The following CCDC188 variants were observed in gnomAD, a reference collection of about 807,000 sequenced individuals.
CCDC188 encodes the protein coiled-coil domain-containing protein 188.
CCDC188 carries 37 observed loss-of-function variants against 50.7 expected under a neutral mutation model. The ratio of observed to expected loss-of-function variants is 0.73; its 90% CI spans 0.56 to 0.96. CCDC188 has a LOEUF of 0.96. CCDC188 is among the 40% of genes least tolerant of loss of function. The pLI is 0.00. For missense variants in CCDC188, 453 were observed against 512.9 expected, an observed-to-expected ratio of 0.88 and a Z score of 1.13; for synonymous variants, 208 against 228.0, an observed-to-expected ratio of 0.91 and a Z score of 0.79.
rs1202416672 is a variant in CCDC188, at chr22:20,150,586, A to C, written c.401T>G (p.Leu134Arg). 6.5e-7 allele frequency: 1 copy of C among 1,546,004 alleles called. No individual in the cohort carries two copies. The highest frequency in any genetic ancestry group is 2.0e-5 in the Admixed American group (1 of 50,770). ...SGTRPCPCPP[L>R]SREGGALASP... ...GGCCAGGGCCCCTCCCTCCCGTGAC[A>C]GGGGTGGGCATGGGCAGGGTCTGGT... The change falls in exon 1 of 9, where the codon CTG becomes CGG. Residue 134 changes from leucine to arginine, a missense_variant. Leu to Arg is a moderately radical substitution (Grantham distance 102). Coordinates refer to ENST00000439765, the MANE Select transcript of CCDC188 (RefSeq NM_001365892.2).
chr22:20,148,650 G>A lies in CCDC188; in HGVS notation c.1173C>T (p.Phe391=), dbSNP rs1218937764. 13 of 1,547,738 alleles carry A rather than the reference G, an allele frequency of 8.4e-6. No individual in the cohort carries two copies. The highest frequency in any genetic ancestry group is 1.1e-5 in the Non-Finnish European group (13 of 1,145,972). Residue 391 remains phenylalanine (F), a synonymous_variant, in exon 9 of 9, where the codon TTC becomes TTT. Transcript: ENST00000439765. ...GGAAGCCGTCCACTTTGAGGCGCAGGAAGGGGTCCAGCAGGGCCCGGAGCT... is the reference window on the plus strand; with the variant it reads ...GGAAGCCGTCCACTTTGAGGCGCAGAAAGGGGTCCAGCAGGGCCCGGAGCT... ...VWKLRALLDP[F]LRLKVDGFLP...
At chr22:20,149,539 G>C in intron 5 of CCDC188, 42 bp downstream of exon 5, 2 of 1,550,006 alleles carry the variant, frequency 1.3e-6, no homozygotes, top group Non-Finnish European at 1.7e-6. Flanking sequence ...CCTCTCGCCC[G>C]CCGGGCCCCG....
At chr22:20,150,353 G>A in intron 1 of CCDC188, 103 bp from the exon 2 acceptor site, 2 of 991,340 alleles carry the variant, frequency 2.0e-6, no homozygotes, top group Non-Finnish European at 2.9e-6. Flanking sequence ...GGCTGGGGCT[G>A]GGGCAGGGGC....
In CCDC188 at chr22:20,150,787, C is replaced by T; in HGVS notation, c.200G>A (p.Gly67Glu). ...PFPVPGAGGS[G>E]PTVEGEAPGL... ...GGGAGCCTCGCCCTCCACTGTGGGC[C>T]CACTGCCCCCTGCCCCTGGGACTGG... The change falls in exon 1 of 9, where the codon GGG becomes GAG. Residue 67 changes from glycine (G) to glutamate (E), a missense_variant. Gly to Glu is a moderately conservative substitution (Grantham distance 98). Coordinates refer to ENST00000439765, the MANE Select transcript of CCDC188 (RefSeq NM_001365892.2). 6.5e-7 allele frequency: 1 copy of T among 1,549,862 alleles called. No individual in the cohort carries two copies. The highest frequency in any genetic ancestry group is 8.7e-7 in the Non-Finnish European group (1 of 1,146,670).
At chr22:20,149,924 T>TC (rs200146458) in intron 3 of CCDC188, 31 bp downstream of exon 3, 156 of 1,510,950 alleles carry the variant, frequency 1.0e-4, no homozygotes, top group East Asian at 4.0e-4. Context: ...CGAAGCTTCC[T>TC]CCCCCCCCAC....
intron 2 of CCDC188, 40 bp from the exon 3 acceptor site, chr22:20,150,099 T>C: frequency 1.3e-6 from 2 of 1,540,734 alleles, no homozygotes; most frequent in South Asian, 1.2e-5. Flanking sequence ...GACTGCGGGC[T>C]AGAGGGGCGT....
chr22:20,149,025 C>A, intron 7 of CCDC188, 101 bp from the exon 8 acceptor site: 2 of 1,331,380 alleles, frequency 1.5e-6, no homozygotes, highest in Non-Finnish European at 2.0e-6. Flanking sequence ...CTCCCCGCAC[C>A]GCAGCCCTGG....
intron 7 of CCDC188, 25 bp downstream of exon 7, chr22:20,149,162 C>T: frequency 6.9e-7 from 1 of 1,454,144 alleles, no homozygotes; most frequent in Non-Finnish European, 9.1e-7. Flanking sequence ...GTCTCCAGAC[C>T]CAGAGTGGGG....
rs1233650263 is a variant in CCDC188 at position 20,149,362 on chromosome 22, A to T, written c.914+50T>A. 7.7e-6 allele frequency: 12 copies of T among 1,548,584 alleles called. No homozygotes were observed. The East Asian group carries it at 2.9e-4, about 38-fold the overall frequency. On this transcript the variant is annotated intron_variant, in intron 6 of 8. Transcript: ENST00000439765. ...ATGGGTCTGCCCTGTCCTGACCAGGACACCTTCTGAGACCCTGCTCAGCTG... is the reference window on the plus strand; with the variant it reads ...ATGGGTCTGCCCTGTCCTGACCAGGTCACCTTCTGAGACCCTGCTCAGCTG...
rs961038929 is a variant in CCDC188 at position 20,150,522 on chromosome 22, C to T, written c.465G>A (p.Leu155=). 5.2e-6 allele frequency: 8 copies of T among 1,549,120 alleles called. No individual in the cohort carries two copies. In the Admixed American group the frequency reaches 9.8e-5, roughly 19 times the overall value. The part of the protein sequence containing the change: ...RVALSQLQCG[L]LGSAEQSFLQ... ...GGAAGGACTGTTCTGCAGAGCCCAG[C>T]AGCCCGCACTGAAGCTGGGACAGGG... The change falls in exon 1 of 9, where the codon CTG becomes CTA. Residue 155 remains leucine, a synonymous_variant. Coordinates refer to ENST00000439765, the MANE Select transcript of CCDC188 (RefSeq NM_001365892.2).
Position 20,150,031 on chromosome 22 carries a change from A to C in CCDC188, c.656T>G (p.Leu219Trp). The change falls in exon 3 of 9, where the codon TTG becomes TGG. Residue 219 changes from leucine (L) to tryptophan (W), a missense_variant. Transcript: ENST00000439765. The stretch of plus-strand genomic sequence containing the variant: ...CAGCTGCAGAGGTGCCCTGTTCCCC[A>C]AGGGCTGCGTGCCAGCCGGGTCGGG... ...WPPDPAGTQP[L>W]GNRAPLQLLR... 6.5e-7 allele frequency: 1 copy of C among 1,548,042 alleles called. No individual in the cohort carries two copies. Among genetic ancestry groups the C allele is most frequent in the Non-Finnish European group, 8.7e-7 (1 of 1,146,518 alleles).
rs113521702 is a variant in CCDC188, at chr22:20,149,128, A to G, written c.972+59T>C. 463 of 1,367,196 alleles carry G rather than the reference A, an allele frequency of 3.4e-4. 5 individuals are homozygous for G. In the African/African-American group the frequency reaches 6.1e-3, roughly 18 times the overall value. 84.7% of individuals were successfully genotyped at this position (1,367,196 alleles called of 1,614,324 possible). A position where few individuals can be genotyped will look rare whatever the true frequency, so the allele number is the denominator to read the frequency against. On this transcript the variant is annotated intron_variant, in intron 7 of 8. Coordinates refer to ENST00000439765, the MANE Select transcript of CCDC188 (RefSeq NM_001365892.2). Reference sequence around the variant, plus strand: ...GGAGCCCATTTCTCCCTCTCGCCCAAGCAGGGCCCTGGGTGGGGGGCTGGT... The same window carrying G: ...GGAGCCCATTTCTCCCTCTCGCCCAGGCAGGGCCCTGGGTGGGGGGCTGGT...
At chr22:20,149,543 G>T (rs2050580366) in intron 5 of CCDC188, 38 bp downstream of exon 5, 4 of 1,549,956 alleles carry the variant, frequency 2.6e-6, no homozygotes, top group Non-Finnish European at 3.5e-6. Flanking sequence ...TCGCCCGCCG[G>T]GCCCCGTCCT....
chr22:20,148,630 C>G lies in CCDC188; in HGVS notation c.1193G>C (p.Gly398Ala). 6 of 1,545,486 alleles carry G rather than the reference C, an allele frequency of 3.9e-6. No individual in the cohort carries two copies. The highest frequency in any genetic ancestry group is 5.2e-6 in the Non-Finnish European group (6 of 1,145,180). Residue 398 changes from glycine (G) to alanine (A), a missense_variant, in exon 9 of 9, where the codon GGC (glycine) becomes GCC (alanine). Coordinates refer to ENST00000439765, the MANE Select transcript of CCDC188 (RefSeq NM_001365892.2). ...GCCTCTGGCCTAGAAGGGCAGGAAG[C>G]CGTCCACTTTGAGGCGCAGGAAGGG... ...LDPFLRLKVD[G>A]FLPF
rs1451321777 is a variant in CCDC188 at position 20,148,921 on chromosome 22, C to G, written c.976G>C (p.Gly326Arg). 6.6e-7 allele frequency: 1 copy of G among 1,511,082 alleles called. No individual in the cohort carries two copies. The highest frequency in any genetic ancestry group is 8.9e-7 in the Non-Finnish European group (1 of 1,127,104). The allele number at this position is 1,511,082 out of a possible 1,614,324, so 93.6% of individuals were successfully genotyped here. ...TTGGAGCTTCCCAGCTTTGGCCTCC[C>G]TTTCTGTCGGGGAGGGGCTGGATCA... ...KEKQMASMSK[G>R]RPKLGSSKGL... is the part of the protein sequence containing the mutation. Residue 326 changes from glycine (G) to arginine (R), a missense_variant, in exon 8 of 9, where the codon GGG becomes CGG. Gly to Arg is a moderately radical substitution (Grantham distance 125). Coordinates refer to ENST00000439765, the MANE Select transcript of CCDC188 (RefSeq NM_001365892.2).
At position 20,150,875 on chromosome 22, in the gene CCDC188, C is replaced by A; in HGVS notation, c.112G>T (p.Val38Leu). The A allele has an allele frequency of 6.7e-7, 1 of 1,497,914 alleles. No homozygotes were observed. 92.8% of individuals were successfully genotyped at this position (1,497,914 alleles called of 1,614,324 possible). ...ATGGGGCCCAGGCAGGGCCACCCTACAAATCCCTGGCAGGGCTGGTCCAGG... is the reference window on the plus strand; with the variant it reads ...ATGGGGCCCAGGCAGGGCCACCCTAAAAATCCCTGGCAGGGCTGGTCCAGG... ...GGLDQPCQGF[V>L]GWPCLGPISS... The change falls in exon 1 of 9, where the codon GTA becomes TTA. Residue 38 changes from valine (V) to leucine (L), a missense_variant. Val to Leu is a conservative substitution (Grantham distance 32, BLOSUM62 1). Transcript: ENST00000439765.
Position 20,150,628 on chromosome 22 carries a change from C to A in CCDC188, c.359G>T (p.Gly120Val), listed in dbSNP as rs2050609668. ...GSNQGAPRQGGSIGSGTRPCP... is the reference protein window; with the variant it reads ...GSNQGAPRQGVSIGSGTRPCP... ...GGGTCTGGTCCCTGAGCCAATGGAT[C>A]CCCCCTGCCTGGGAGCCCCCTGGTT... Residue 120 changes from glycine (G) to valine (V), a missense_variant, in exon 1 of 9, where the codon GGA (glycine) becomes GTA (valine). Coordinates refer to ENST00000439765, the MANE Select transcript of CCDC188 (RefSeq NM_001365892.2). 2 of 1,542,288 alleles carry A rather than the reference C, an allele frequency of 1.3e-6. No homozygotes were observed. Among genetic ancestry groups the A allele is most frequent in the Non-Finnish European group, 8.8e-7 (1 of 1,141,074 alleles).
chr22:20,148,928 TC>T lies in CCDC188; in HGVS notation c.973-5del. 1 of 1,502,886 alleles carries T rather than the reference TC, an allele frequency of 6.7e-7. No homozygotes were observed. The highest frequency in any genetic ancestry group is 8.9e-7 in the Non-Finnish European group (1 of 1,123,776). The allele number at this position is 1,502,886 out of a possible 1,614,324, so 93.1% of individuals were successfully genotyped here. ...TTCCCAGCTTTGGCCTCCCTTTCTG[TC>T]GGGGAGGGGCTGGATCAGAGCCCAC... On this transcript the variant is annotated splice_region_variant and splice_polypyrimidine_tract_variant and intron_variant, in intron 7 of 8. Transcript: ENST00000439765.
chr22:20,148,933 G>A lies in CCDC188; in HGVS notation c.973-9C>T. The A allele has an allele frequency of 6.7e-7, 1 of 1,498,492 alleles. No individual in the cohort carries two copies. The highest frequency in any genetic ancestry group is 8.9e-7 in the Non-Finnish European group (1 of 1,122,062). The allele number at this position is 1,498,492 out of a possible 1,614,324, so 92.8% of individuals were successfully genotyped here. A position where few individuals can be genotyped will look rare whatever the true frequency, so the allele number is the denominator to read the frequency against. On this transcript the variant is annotated splice_polypyrimidine_tract_variant and intron_variant, in intron 7 of 8. Coordinates refer to ENST00000439765, the MANE Select transcript of CCDC188 (RefSeq NM_001365892.2). Reference sequence around the variant, plus strand: ...AGCTTTGGCCTCCCTTTCTGTCGGGGAGGGGCTGGATCAGAGCCCACCCCG... The same window carrying A: ...AGCTTTGGCCTCCCTTTCTGTCGGGAAGGGGCTGGATCAGAGCCCACCCCG...
Sources: allele counts gnomAD v4.1 joint callset, GRCh38; gene constraint gnomAD v4.1.1; transcripts MANE v1.5; gene names NCBI Gene and HGNC (gene_info 2026-07-23, HGNC 2026-07-21).